Variants in ZNF618 observed in about 807,000 individuals in gnomAD.
The protein encoded by ZNF618 is zinc finger protein 618, also known as neural precursor cell expressed, developmentally down-regulated 10.
Under a neutral mutation model 103.0 loss-of-function variants are expected in ZNF618, and 34 were observed. That is an observed-to-expected ratio of 0.33 (90% CI 0.25 to 0.44). ZNF618 has a LOEUF of 0.44. ZNF618 is among the 20% of genes least tolerant of loss of function. ZNF618 has a pLI of 1.00. For synonymous variants in ZNF618, 551 were observed against 542.2 expected (o/e 1.02, Z -0.23); for missense variants, 1,059 against 1,295.4 (o/e 0.82, Z 2.80).
intron 3 of ZNF618, among the ~76,000 whole-genome samples, chr9:113,995,138 T>A (rs1840445741): frequency 6.6e-6 from 1 of 152,190 alleles, no homozygotes; most frequent in South Asian, 2.1e-4. Context: ...CCACAGGGTT[T>A]TATCCTAATG....
chr9:113,987,920 A>C (rs2026139), intron 2 of ZNF618, among the ~76,000 whole-genome samples: 91,198 of 151,840 alleles, frequency 0.6, 27,723 homozygotes, highest in Middle Eastern at 0.78. Context: ...CCCCCAGCTG[A>C]TCTGTATGCA....
intron 1 of ZNF618, among the ~76,000 whole-genome samples, chr9:113,897,738 G>A (rs2131165071): frequency 6.6e-6 from 1 of 152,092 alleles, no homozygotes; most frequent in South Asian, 2.1e-4. Context: ...TCGGTTTTCT[G>A]CACTGACAGT....
At chr9:113,930,077 A>C (rs1013658378) in intron 1 of ZNF618, among the ~76,000 whole-genome samples, 5 of 152,148 alleles carry the variant, frequency 3.3e-5, no homozygotes, top group African/African-American at 1.2e-4. Context: ...GTTGTGATAA[A>C]CCAATGGCCC....
At chr9:114,001,007 C>T (rs188035593) in intron 4 of ZNF618, among the ~76,000 whole-genome samples, 338 of 152,298 alleles carry the variant, frequency 2.2e-3, no homozygotes, top group African/African-American at 7.8e-3. Flanking sequence ...CATTTGTCCA[C>T]GCTCCCTGGC....
At chr9:114,039,418 C>T (rs2134419149) in intron 13 of ZNF618, among the ~76,000 whole-genome samples, 1 of 150,446 alleles carries the variant, frequency 6.6e-6, no homozygotes, top group South Asian at 2.1e-4. Context: ...ACAATCTCAG[C>T]TGTATACCTG....
At chr9:113,934,293 A>G (rs1257451700) in intron 1 of ZNF618, among the ~76,000 whole-genome samples, 2 of 152,110 alleles carry the variant, frequency 1.3e-5, no homozygotes, top group African/African-American at 2.4e-5. Context: ...TAGAGGGTCC[A>G]TGCTGTAGAG....
rs1828790682 is a variant in ZNF618 at position 113,883,988 on chromosome 9, C to CG, written c.33+7575_33+7576insG. 1.0e-4 allele frequency among the ~76,000 whole-genome samples: 4 copies of CG among 39,046 alleles called. 1 individual carries two copies. The highest frequency in any genetic ancestry group is 2.7e-4 in the African/African-American group (4 of 14,860). 25.6% of individuals were successfully genotyped at this position (39,046 alleles called of 152,430 possible). On this transcript the variant is annotated intron_variant, in intron 1 of 14. Transcript: ENST00000374126. ...TCACTTTTCTCTGGGCTTGGCCCCCCCCCCCCCCCCCCCCGCCCTGTACAG... is the reference window on the plus strand; with the variant it reads ...TCACTTTTCTCTGGGCTTGGCCCCCCGCCCCCCCCCCCCCCGCCCTGTACAG...
rs888818432 is a variant in ZNF618, at chr9:114,015,966, A to T, written c.755-729A>T. 5 of 690,286 alleles carry T rather than the reference A, an allele frequency of 7.2e-6. No homozygotes were observed. The African/African-American group carries it at 9.0e-5, about 12-fold the overall frequency. 42.8% of individuals were successfully genotyped at this position (690,286 alleles called of 1,614,324 possible). The stretch of plus-strand genomic sequence containing the variant: ...TATCAGTGAGAGAAGCGCACCCCAG[A>T]TGAGACAGAATGAAGAGTGGGGACC... On this transcript the variant is annotated intron_variant, in intron 9 of 14. Coordinates refer to ENST00000374126, the MANE Select transcript of ZNF618 (RefSeq NM_001318042.2).
At chr9:113,969,667 C>T (rs1837764218) in intron 2 of ZNF618, among the ~76,000 whole-genome samples, 1 of 152,126 alleles carries the variant, frequency 6.6e-6, no homozygotes, top group African/African-American at 2.4e-5. Context: ...GGGTGGTCCC[C>T]AATAGAGAAC....
chr9:114,047,871 A>G lies in ZNF618; in HGVS notation c.1247-22A>G, dbSNP rs112670561. ...GGCCTCTTACCCTTCCAGGTAACAC[A>G]CTGTCCCCTTTGTGCCCACAGCTGA... is the stretch of plus-strand genomic sequence containing the variant. On this transcript the variant is annotated intron_variant, in intron 13 of 14. Coordinates refer to ENST00000374126, the MANE Select transcript of ZNF618 (RefSeq NM_001318042.2). The G allele has an allele frequency of 8.3e-5, 131 of 1,577,784 alleles. 2 individuals carry two copies. In the African/African-American group the frequency reaches 1.3e-3, roughly 16 times the overall value.
chr9:114,014,464 A>AT (rs1156606185), intron 9 of ZNF618, among the ~76,000 whole-genome samples: 6 of 152,202 alleles, frequency 3.9e-5, no homozygotes, highest in Admixed American at 1.3e-4. Flanking sequence ...TGTTTCTTTG[A>AT]TTTTTTGATC....
chr9:113,919,666 TC>T (rs1416647744), intron 1 of ZNF618, among the ~76,000 whole-genome samples: 1 of 152,122 alleles, frequency 6.6e-6, no homozygotes, highest in East Asian at 1.9e-4. Context: ...GGTGGAACTG[TC>T]CCCATGCCAC....
intron 2 of ZNF618, among the ~76,000 whole-genome samples, chr9:113,972,804 C>A (rs998550892): frequency 6.6e-6 from 1 of 152,180 alleles, no homozygotes; most frequent in African/African-American, 2.4e-5. Flanking sequence ...CGGTGGCTCA[C>A]CCCTGTAACC....
chr9:113,943,636 A>C (rs1834745485), intron 1 of ZNF618, among the ~76,000 whole-genome samples: 1 of 151,950 alleles, frequency 6.6e-6, no homozygotes, highest in African/African-American at 2.4e-5. Context: ...AGTTTTATGT[A>C]AAACCTCCCA....
chr9:113,936,676 G>A (rs763178809), intron 1 of ZNF618, among the ~76,000 whole-genome samples: 3 of 152,134 alleles, frequency 2.0e-5, no homozygotes, highest in Non-Finnish European at 4.4e-5. Flanking sequence ...AACATGTAAA[G>A]TGCTTGGAAT....
At chr9:114,012,651 A>G (rs374312009) in intron 9 of ZNF618, among the ~76,000 whole-genome samples, 1 of 152,240 alleles carries the variant, frequency 6.6e-6, no homozygotes, top group African/African-American at 2.4e-5. Flanking sequence ...GGAAGCAGAA[A>G]ACGTAAGAAC....
intron 1 of ZNF618, among the ~76,000 whole-genome samples, chr9:113,961,024 T>C (rs1161045760): frequency 1.3e-5 from 2 of 152,248 alleles, no homozygotes; most frequent in Non-Finnish European, 2.9e-5. Flanking sequence ...GGTGCCCTTT[T>C]CTTCACTGCC....
At chr9:114,003,905 T>C (rs967272888) in intron 6 of ZNF618, among the ~76,000 whole-genome samples, 1 of 152,156 alleles carries the variant, frequency 6.6e-6, no homozygotes. Context: ...GCCCTGCCCT[T>C]GTAGTGGGAA....
At chr9:113,945,389 A>G (rs16910855) in intron 1 of ZNF618, among the ~76,000 whole-genome samples, 6,652 of 152,310 alleles carry the variant, frequency 0.044, 151 homozygotes, top group African/African-American at 0.05. Flanking sequence ...CATGTACACA[A>G]TGATAGTTAT....
Sources: allele counts gnomAD v4.1 joint callset (sites outside exome capture counted in the v4.1 genomes callset), GRCh38; gene constraint gnomAD v4.1.1; transcripts MANE v1.5; gene names NCBI Gene and HGNC (gene_info 2026-07-23, HGNC 2026-07-21).